MAGI2: variants seen among roughly 807,000 people sequenced by gnomAD.
MAGI2 encodes membrane-associated guanylate kinase, WW and PDZ domain-containing protein 2.
A neutral mutation model predicts 133.3 loss-of-function variants in MAGI2; 35 were observed. The ratio of observed to expected loss-of-function variants is 0.26; its 90% CI spans 0.20 to 0.35. The LOEUF (loss-of-function observed/expected upper bound fraction) is 0.35. Ranked by LOEUF, MAGI2 falls within the 10% of genes least tolerant of loss-of-function variation. The probability of loss-of-function intolerance (pLI) is 1.00; values close to 1 mark genes in which losing one functional copy is unlikely to be tolerated. For synonymous variants in MAGI2, 729 were observed against 710.6 expected (o/e 1.03, Z -0.41); for missense variants, 1,636 against 1,863.4 (o/e 0.88, Z 2.25).
chr7:79,101,911 A>G (rs1818018833), intron 1 of MAGI2, among the ~76,000 whole-genome samples: 1 of 151,836 alleles, frequency 6.6e-6, no homozygotes, highest in Admixed American at 6.6e-5. Flanking sequence ...ATACATTTTC[A>G]GAAACATATA....
rs551244751 is a variant in MAGI2 at position 78,095,407 on chromosome 7, C to T, written c.3568-16322G>A. Among the ~76,000 whole-genome samples, 27 of 152,250 alleles carry T rather than the reference C, an allele frequency of 1.8e-4. 1 individual carries two copies. The South Asian group carries it at 5.6e-3, about 32-fold the overall frequency. On this transcript the variant is annotated intron_variant, in intron 20 of 21. Transcript: ENST00000354212. ...AGCAAATGCCCCAACAGGCTGAAGC[C>T]CCAAATCACCTTTTGTAGTGTCCAC...
At position 78,256,064 on chromosome 7, in the gene MAGI2, T is replaced by C; in HGVS notation, c.1926A>G (p.Glu642=). The part of the protein sequence containing the change: ...LDIQGCPGLC[E]GDLIVEINQQ... ...GGTTGATCTCAACAATGAGGTCGCC[T>C]TCACACAGGCCAGGGCATCCCTGAA... The change falls in exon 10 of 22, where the codon GAA becomes GAG. Residue 642 remains glutamate (E), a synonymous_variant. Coordinates refer to ENST00000354212, the MANE Select transcript of MAGI2 (RefSeq NM_012301.4). 1 of 1,613,734 alleles carries C rather than the reference T, an allele frequency of 6.2e-7. No individual in the cohort carries two copies. Among genetic ancestry groups the C allele is most frequent in the Non-Finnish European group, 8.5e-7 (1 of 1,179,884 alleles).
At chr7:79,151,834 C>T (rs1585054953) in intron 1 of MAGI2, among the ~76,000 whole-genome samples, 1 of 152,066 alleles carries the variant, frequency 6.6e-6, no homozygotes, top group East Asian at 1.9e-4. Context: ...TGGAAAAAAC[C>T]TCTAAGGGAG....
At chr7:79,250,098 T>C (rs369173987) in intron 1 of MAGI2, among the ~76,000 whole-genome samples, 18 of 152,044 alleles carry the variant, frequency 1.2e-4, no homozygotes, top group African/African-American at 4.3e-4. Flanking sequence ...CTCTTCATGA[T>C]AAAAATAAAT....
At chr7:78,659,362 T>A (rs1011250314) in intron 2 of MAGI2, among the ~76,000 whole-genome samples, 1 of 137,396 alleles carries the variant, frequency 7.3e-6, no homozygotes, top group Non-Finnish European at 1.5e-5. Context: ...GAGGTGAAGG[T>A]TGCAGTGAGC....
chr7:78,782,513 G>A (rs1826480215), intron 2 of MAGI2, among the ~76,000 whole-genome samples: 1 of 152,104 alleles, frequency 6.6e-6, no homozygotes, highest in African/African-American at 2.4e-5. Context: ...CAGATTTAGG[G>A]ATCCCCTAGG....
chr7:78,032,047 T>G (rs9692488), intron 21 of MAGI2, among the ~76,000 whole-genome samples: 2 of 148,414 alleles, frequency 1.3e-5, no homozygotes, highest in Admixed American at 1.4e-4. Flanking sequence ...TCCGGCTGTT[T>G]AAAAAGAAAA....
intron 16 of MAGI2, among the ~76,000 whole-genome samples, chr7:78,153,389 C>T (rs1300950314): frequency 2.0e-5 from 3 of 152,136 alleles, no homozygotes; most frequent in Non-Finnish European, 4.4e-5. Flanking sequence ...GAGGACCAGG[C>T]GTAGAGCCTC....
chr7:78,813,959 C>T (rs1789326945), intron 2 of MAGI2, among the ~76,000 whole-genome samples: 1 of 152,190 alleles, frequency 6.6e-6, no homozygotes, highest in African/African-American at 2.4e-5. Flanking sequence ...TGAAATGAGA[C>T]AAGAATGTTT....
At position 79,101,472 on chromosome 7, in the gene MAGI2, T is replaced by C. The variant is rs917680689; in HGVS notation, c.302-94266A>G. Among the ~76,000 whole-genome samples, 5 of 152,040 alleles carry C rather than the reference T, an allele frequency of 3.3e-5. No homozygotes were observed. In the South Asian group the frequency reaches 6.2e-4, roughly 19 times the overall value. On this transcript the variant is annotated intron_variant, in intron 1 of 21. Transcript: ENST00000354212. ...GGGCGCAGTGTCTCAGGCCTGTAAT[T>C]CCAGCACTTTGGGAGGCCGAGGTGG...
Position 78,524,461 on chromosome 7 carries a change from G to C in MAGI2, c.539-2816C>G, listed in dbSNP as rs79858248. Among the ~76,000 whole-genome samples the C allele has an allele frequency of 5.6e-4, 85 of 152,250 alleles. 2 individuals are homozygous for C. In the East Asian group the frequency reaches 0.016, roughly 28 times the overall value. On this transcript the variant is annotated intron_variant, in intron 3 of 21. Coordinates refer to ENST00000354212, the MANE Select transcript of MAGI2 (RefSeq NM_012301.4). ...TGAGCAAATATTCTGAAGGCTAGCT[G>C]TGCCAATAATGCCATTGCTCATCAC...
chr7:78,948,395 G>A (rs1801605607), intron 2 of MAGI2, among the ~76,000 whole-genome samples: 1 of 149,364 alleles, frequency 6.7e-6, no homozygotes. Context: ...TTTTCAGATA[G>A]CTTTTCAGAT....
At chr7:78,839,341 T>G (rs2151459346) in intron 2 of MAGI2, among the ~76,000 whole-genome samples, 1 of 152,240 alleles carries the variant, frequency 6.6e-6, no homozygotes, top group Non-Finnish European at 1.5e-5. Context: ...TGCATTCAAC[T>G]TAAGTCAAAT....
intron 2 of MAGI2, among the ~76,000 whole-genome samples, chr7:78,800,845 G>A (rs1043483887): frequency 6.6e-6 from 1 of 151,970 alleles, no homozygotes; most frequent in Non-Finnish European, 1.5e-5. Flanking sequence ...CTTGAATGGG[G>A]TTTCAGGTTC....
chr7:78,643,684 G>A (rs1021745600), intron 2 of MAGI2, among the ~76,000 whole-genome samples: 2 of 152,024 alleles, frequency 1.3e-5, no homozygotes, highest in African/African-American at 4.8e-5. Context: ...ATGGTTTAAA[G>A]TAAAAGTAAT....
intron 1 of MAGI2, among the ~76,000 whole-genome samples, chr7:79,250,247 C>A (rs1833140988): frequency 6.6e-6 from 1 of 151,530 alleles, no homozygotes. Flanking sequence ...ACAAGGATGC[C>A]CATGTTCATC....
chr7:79,050,401 G>T (rs892298276), intron 1 of MAGI2, among the ~76,000 whole-genome samples: 1 of 151,990 alleles, frequency 6.6e-6, no homozygotes, highest in African/African-American at 2.4e-5. Flanking sequence ...TGTTTTGTTG[G>T]TGACAGGGTC....
At chr7:78,313,249 A>G (rs972158035) in intron 9 of MAGI2, among the ~76,000 whole-genome samples, 2 of 152,136 alleles carry the variant, frequency 1.3e-5, no homozygotes, top group African/African-American at 4.8e-5. Context: ...AATACCATGT[A>G]CACTATTCAG....
At chr7:78,333,762 C>A (rs147362182) in intron 9 of MAGI2, among the ~76,000 whole-genome samples, 90 of 152,288 alleles carry the variant, frequency 5.9e-4, no homozygotes, top group African/African-American at 2.0e-3. Context: ...AGCCGCCCTG[C>A]GCATGCTAGC....
Sources: gnomAD v4.1 joint callset for allele counts (sites outside exome capture counted in the v4.1 genomes callset) on GRCh38, gnomAD v4.1.1 for gene constraint, MANE v1.5 for transcripts, NCBI Gene and HGNC (gene_info 2026-07-23, HGNC 2026-07-21) for gene names.